The following DGKB variants were observed in gnomAD, a reference collection of about 807,000 sequenced individuals.
The protein encoded by DGKB is diacylglycerol kinase beta.
In DGKB, 67 loss-of-function variants were observed where a neutral mutation model predicts 114.3. That is an observed-to-expected ratio of 0.59 (90% confidence interval 0.48 to 0.72). DGKB has a LOEUF of 0.72. DGKB is among the 30% of genes least tolerant of loss of function. DGKB has a pLI of 0.00. For synonymous variants in DGKB, 398 were observed against 323.1 expected (o/e 1.23, Z -2.49); for missense variants, 907 against 975.2 (o/e 0.93, Z 0.93).
At chr7:14,439,435 A>G (rs1829746601) in intron 21 of DGKB, among the ~76,000 whole-genome samples, 1 of 152,152 alleles carries the variant, frequency 6.6e-6, no homozygotes, top group Non-Finnish European at 1.5e-5. Context: ...AATGCCACAA[A>G]TAACAAGTGA....
chr7:14,817,604 A>G (rs1235259498), intron 2 of DGKB, among the ~76,000 whole-genome samples: 1 of 152,230 alleles, frequency 6.6e-6, no homozygotes, highest in Non-Finnish European at 1.5e-5. Context: ...TTTCATATAT[A>G]TGCTTCTACA....
intron 17 of DGKB, among the ~76,000 whole-genome samples, chr7:14,592,031 A>G (rs901229664): frequency 6.6e-6 from 1 of 151,912 alleles, no homozygotes; most frequent in Admixed American, 6.6e-5. Flanking sequence ...AAAAAATACT[A>G]TCGCTTACAT....
intron 25 of DGKB, among the ~76,000 whole-genome samples, chr7:14,159,885 C>A (rs112723681): frequency 5.1e-4 from 78 of 152,138 alleles, no homozygotes; most frequent in Non-Finnish European, 1.0e-3. Flanking sequence ...TTGGCCAGGC[C>A]ATTCTCAAAC....
chr7:14,732,063 A>C (rs1196131926), intron 5 of DGKB, among the ~76,000 whole-genome samples: 1 of 152,186 alleles, frequency 6.6e-6, no homozygotes, highest in Admixed American at 6.5e-5. Flanking sequence ...ACCCAGCTAT[A>C]CATATGCATA....
intron 1 of DGKB, among the ~76,000 whole-genome samples, chr7:14,957,887 AAATTT>A (rs1386060269): frequency 2.6e-5 from 4 of 152,086 alleles, no homozygotes; most frequent in Admixed American, 2.0e-4. Context: ...TGAAAGTTCA[AAATTT>A]AGTTGACTCT....
At chr7:14,237,955 T>C (rs943189271) in intron 23 of DGKB, among the ~76,000 whole-genome samples, 8 of 152,060 alleles carry the variant, frequency 5.3e-5, no homozygotes, top group African/African-American at 1.4e-4. Flanking sequence ...TTACTACATA[T>C]GTCACTAAAA....
chr7:14,834,820 T>C (rs1289469989), intron 2 of DGKB, among the ~76,000 whole-genome samples: 2 of 152,132 alleles, frequency 1.3e-5, no homozygotes, highest in Admixed American at 6.6e-5. Flanking sequence ...CTCAAATGGA[T>C]TTTTTGGGGG....
chr7:14,680,214 GATTA>G (rs1197691348), intron 12 of DGKB, among the ~76,000 whole-genome samples: 15 of 151,762 alleles, frequency 9.9e-5, no homozygotes, highest in Non-Finnish European at 1.8e-4. Flanking sequence ...CTTTGAGATT[GATTA>G]ATTGACTTAT....
chr7:14,791,412 TTTAC>T (rs148928054), intron 2 of DGKB, among the ~76,000 whole-genome samples: 5,583 of 152,174 alleles, frequency 0.037, 336 homozygotes, highest in African/African-American at 0.13. Context: ...TTTTATTTTC[TTTAC>T]TTGTCTTATT....
At chr7:14,946,127 A>T (rs910867731) in intron 1 of DGKB, among the ~76,000 whole-genome samples, 6 of 140,716 alleles carry the variant, frequency 4.3e-5, no homozygotes, top group African/African-American at 1.9e-4. Flanking sequence ...ATTTGTTGAG[A>T]ATATATATAT....
chr7:14,965,292 A>G (rs973577875), intron 1 of DGKB, among the ~76,000 whole-genome samples: 9 of 152,208 alleles, frequency 5.9e-5, no homozygotes, highest in Non-Finnish European at 1.0e-4. Context: ...ATATATTGCC[A>G]TAAGTATATA....
At chr7:14,923,462 G>A (rs375221524) in intron 1 of DGKB, among the ~76,000 whole-genome samples, 1 of 152,072 alleles carries the variant, frequency 6.6e-6, no homozygotes, top group African/African-American at 2.4e-5. Context: ...TCCACTCAAA[G>A]CTCTGTTTCC....
chr7:14,475,027 C>A (rs1208957386), intron 21 of DGKB, among the ~76,000 whole-genome samples: 7 of 151,972 alleles, frequency 4.6e-5, no homozygotes, highest in Non-Finnish European at 7.4e-5. Context: ...ATTACCTTTC[C>A]CTGTTCTTTC....
chr7:14,433,541 G>C (rs1828796530), intron 21 of DGKB, among the ~76,000 whole-genome samples: 2 of 151,910 alleles, frequency 1.3e-5, no homozygotes, highest in South Asian at 4.2e-4. Context: ...CCTTGAAGTT[G>C]TACAACATAA....
intron 23 of DGKB, among the ~76,000 whole-genome samples, chr7:14,249,932 C>A (rs533261922): frequency 1.3e-5 from 2 of 151,400 alleles, no homozygotes; most frequent in African/African-American, 4.8e-5. Flanking sequence ...GTTGTTTATT[C>A]AAAATCTTTT....
At chr7:14,783,018 T>A (rs140815327) in intron 2 of DGKB, among the ~76,000 whole-genome samples, 3 of 152,228 alleles carry the variant, frequency 2.0e-5, no homozygotes, top group African/African-American at 7.2e-5. Flanking sequence ...TGTGAACATA[T>A]TATTTTATAC....
chr7:14,656,591 C>T (rs1427422364), intron 13 of DGKB, among the ~76,000 whole-genome samples: 5 of 151,432 alleles, frequency 3.3e-5, no homozygotes, highest in Admixed American at 2.6e-4. Context: ...TTCTTCTTAG[C>T]TGAACTTCCA....
At chr7:14,625,416 C>T (rs1415363370) in intron 14 of DGKB, among the ~76,000 whole-genome samples, 1 of 152,098 alleles carries the variant, frequency 6.6e-6, no homozygotes, top group African/African-American at 2.4e-5. Flanking sequence ...AATTTCCTGT[C>T]CACCAGGTTT....
At chr7:14,948,592 G>C (rs541281624) in intron 1 of DGKB, among the ~76,000 whole-genome samples, 14 of 151,870 alleles carry the variant, frequency 9.2e-5, no homozygotes, top group African/African-American at 3.4e-4. Context: ...TTAATCTAAA[G>C]ACCATGAAAA....
Sources: allele counts gnomAD v4.1 joint callset (sites outside exome capture counted in the v4.1 genomes callset), GRCh38; gene constraint gnomAD v4.1.1; transcripts MANE v1.5; gene names NCBI Gene and HGNC (gene_info 2026-07-23, HGNC 2026-07-21).